The following KLHL29 variants were observed in gnomAD, a reference collection of about 807,000 sequenced individuals.
The protein encoded by KLHL29 is kelch-like protein 29.
Under a neutral mutation model 80.4 loss-of-function variants are expected in KLHL29, and 21 were observed. The observed-to-expected ratio is 0.26, with a 90% CI of 0.19 to 0.38. The LOEUF is 0.38. Among genes scored for constraint, KLHL29 ranks in the 10% least tolerant of loss-of-function variants. The pLI is 1.00. For missense variants in KLHL29, 867 were observed against 1,223.9 expected, an observed-to-expected ratio of 0.71 and a Z score of 4.35; for synonymous variants, 511 against 526.8, an observed-to-expected ratio of 0.97 and a Z score of 0.41.
rs575957378 is a variant in KLHL29, at chr2:23,534,808, A to G, written c.-45-27344A>G. ...ACTAGTCAACTGCAGAATTAGAAAGAAAAAACAGTGCCTTTTCTGGTCACT... is the reference window on the plus strand; with the variant it reads ...ACTAGTCAACTGCAGAATTAGAAAGGAAAAACAGTGCCTTTTCTGGTCACT... On this transcript the variant is annotated intron_variant, in intron 2 of 13. Coordinates refer to ENST00000486442, the MANE Select transcript of KLHL29 (RefSeq NM_052920.2). Among the ~76,000 whole-genome samples the G allele has an allele frequency of 2.6e-5, 4 of 152,338 alleles. No individual in the cohort carries two copies. In the South Asian group the frequency reaches 8.3e-4, roughly 32 times the overall value.
At chr2:23,531,686 T>C (rs760985179) in intron 2 of KLHL29, among the ~76,000 whole-genome samples, 54 of 152,228 alleles carry the variant, frequency 3.5e-4, no homozygotes, top group Non-Finnish European at 7.5e-4. Context: ...CCCAAGACGC[T>C]CTTCACAAAA....
intron 3 of KLHL29, among the ~76,000 whole-genome samples, chr2:23,622,527 A>T (rs915928574): frequency 2.0e-5 from 3 of 152,262 alleles, no homozygotes; most frequent in African/African-American, 7.2e-5. Flanking sequence ...GGGACGAAGC[A>T]TGGAAAACTC....
Position 23,677,678 on chromosome 2 carries a change from C to T in KLHL29, c.941-6721C>T, listed in dbSNP as rs1670961924. Among the ~76,000 whole-genome samples, 3 of 152,196 alleles carry T rather than the reference C, an allele frequency of 2.0e-5. No individual in the cohort carries two copies. The South Asian group carries it at 6.2e-4, about 32-fold the overall frequency. ...ACCGGGGAGGGAGGGCAACATTCCG[C>T]TTGGGAGGCGCGTGGAGCAGCAGCG... On this transcript the variant is annotated intron_variant, in intron 5 of 13. Coordinates refer to ENST00000486442, the MANE Select transcript of KLHL29 (RefSeq NM_052920.2).
At chr2:23,423,520 C>T (rs1662908354) in intron 1 of KLHL29, among the ~76,000 whole-genome samples, 1 of 152,246 alleles carries the variant, frequency 6.6e-6, no homozygotes, top group African/African-American at 2.4e-5. Context: ...CGACTTAAAG[C>T]AGAGCTCTGG....
At chr2:23,575,895 T>C (rs1212263677) in intron 3 of KLHL29, among the ~76,000 whole-genome samples, 3 of 152,206 alleles carry the variant, frequency 2.0e-5, no homozygotes, top group African/African-American at 7.2e-5. Flanking sequence ...GACTCCCTGG[T>C]GGATGCCAGA....
chr2:23,535,090 T>C (rs1014663547), intron 2 of KLHL29, among the ~76,000 whole-genome samples: 1 of 152,244 alleles, frequency 6.6e-6, no homozygotes, highest in South Asian at 2.1e-4. Context: ...ATGGACATTA[T>C]ATCTCCATAA....
chr2:23,606,094 A>G (rs115337865), intron 3 of KLHL29, among the ~76,000 whole-genome samples: 2,592 of 151,950 alleles, frequency 0.017, 41 homozygotes, highest in Middle Eastern at 0.027. Flanking sequence ...TTAAAGGACA[A>G]GTGAGAGTAT....
At chr2:23,603,320 C>T (rs1044812200) in intron 3 of KLHL29, among the ~76,000 whole-genome samples, 1 of 152,202 alleles carries the variant, frequency 6.6e-6, no homozygotes, top group African/African-American at 2.4e-5. Context: ...CCACCTCCAA[C>T]CAGCAGTCAA....
At chr2:23,532,169 G>A (rs544982984) in intron 2 of KLHL29, among the ~76,000 whole-genome samples, 1 of 152,366 alleles carries the variant, frequency 6.6e-6, no homozygotes, top group African/African-American at 2.4e-5. Context: ...ACCTTTCCTG[G>A]TGGGAGAGGG....
rs879715395 is a variant in KLHL29, at chr2:23,680,831, C to T, written c.941-3568C>T. 1.3e-5 allele frequency among the ~76,000 whole-genome samples: 2 copies of T among 152,108 alleles called. No individual in the cohort carries two copies. The highest frequency in any genetic ancestry group is 2.9e-5 in the Non-Finnish European group (2 of 68,024). The stretch of plus-strand genomic sequence containing the variant: ...TCTCCTGGGGTCTCTAGGCCATCAT[C>T]TTCTCCCGCAGAATCCTGGAGCAGG... On this transcript the variant is annotated intron_variant, in intron 5 of 13. Coordinates refer to ENST00000486442, the MANE Select transcript of KLHL29 (RefSeq NM_052920.2). The surrounding 1 kb of genome is among the most constrained non-coding windows in gnomAD (Gnocchi z 4.1).
At chr2:23,463,458 G>A (rs1217674986) in intron 1 of KLHL29, among the ~76,000 whole-genome samples, 1 of 152,130 alleles carries the variant, frequency 6.6e-6, no homozygotes, top group African/African-American at 2.4e-5. Context: ...TAATGAGGGA[G>A]GAGGGAAAAG....
At chr2:23,630,423 T>C (rs1002249735) in intron 3 of KLHL29, among the ~76,000 whole-genome samples, 1 of 152,062 alleles carries the variant, frequency 6.6e-6, no homozygotes, top group Non-Finnish European at 1.5e-5. Context: ...CATCTGAAGG[T>C]CTTGTGATAA....
At chr2:23,568,914 C>T (rs1667651606) in intron 3 of KLHL29, among the ~76,000 whole-genome samples, 1 of 152,184 alleles carries the variant, frequency 6.6e-6, no homozygotes, top group South Asian at 2.1e-4. Flanking sequence ...TCAGGACCCA[C>T]GTACATCTAT....
intron 3 of KLHL29, among the ~76,000 whole-genome samples, chr2:23,613,146 G>A (rs1668911752): frequency 6.6e-6 from 1 of 152,080 alleles, no homozygotes. Flanking sequence ...GAAGACAAAG[G>A]AGAAAAGAAT....
intron 1 of KLHL29, among the ~76,000 whole-genome samples, chr2:23,388,708 T>G (rs1270245194): frequency 1.3e-5 from 2 of 152,240 alleles, no homozygotes; most frequent in African/African-American, 4.8e-5. Context: ...TTTTTCCTGC[T>G]AGTTTCTAAA....
intron 3 of KLHL29, among the ~76,000 whole-genome samples, chr2:23,599,526 A>G (rs1668514790): frequency 6.6e-6 from 1 of 150,892 alleles, no homozygotes; most frequent in South Asian, 2.1e-4. Flanking sequence ...TACATTCTAT[A>G]TAAATATTTA....
At chr2:23,640,863 C>T (rs944014373) in intron 4 of KLHL29, among the ~76,000 whole-genome samples, 2 of 152,318 alleles carry the variant, frequency 1.3e-5, no homozygotes, top group South Asian at 2.1e-4. Flanking sequence ...TGCTCCTCAC[C>T]ACCAGCTGGT....
In KLHL29 at chr2:23,696,039, G is replaced by T. The variant is rs941990804; in HGVS notation, c.1830G>T (p.Pro610=). The T allele has an allele frequency of 1.9e-6, 3 of 1,551,752 alleles. No individual in the cohort carries two copies. In the South Asian group the frequency reaches 3.6e-5, roughly 18 times the overall value. Residue 610 remains proline, a synonymous_variant, in exon 10 of 14, where the codon CCG becomes CCT. Coordinates refer to ENST00000486442, the MANE Select transcript of KLHL29 (RefSeq NM_052920.2). The surrounding 1 kb of genome is among the most constrained non-coding windows in gnomAD (Gnocchi z 5.5). ...RSLVAVTCWN[P]QNNKWYPLAS... is the part of the protein sequence containing the mutation. ...TGGTGGCCGTCACCTGCTGGAACCC[G>T]CAGAACAACAAGTGGTACCCCTTGG...
At chr2:23,491,521 A>G (rs1162752071) in intron 2 of KLHL29, among the ~76,000 whole-genome samples, 3 of 151,030 alleles carry the variant, frequency 2.0e-5, no homozygotes, top group African/African-American at 4.9e-5. Flanking sequence ...CAGGGCTTAT[A>G]GCTCCCATGC....
Sources: allele counts gnomAD v4.1 joint callset (sites outside exome capture counted in the v4.1 genomes callset), GRCh38; gene constraint gnomAD v4.1.1; non-coding constraint Gnocchi (gnomAD v3.1); transcripts MANE v1.5; gene names NCBI Gene and HGNC (gene_info 2026-07-23, HGNC 2026-07-21).